Variants in KIF1B observed in about 807,000 individuals in gnomAD.
KIF1B encodes kinesin-like protein KIF1B.
Under a neutral mutation model 241.9 loss-of-function variants are expected in KIF1B, and 76 were observed. The ratio of observed to expected loss-of-function variants is 0.31; its 90% CI spans 0.26 to 0.38. The LOEUF (loss-of-function observed/expected upper bound fraction) is 0.38. Ranked by LOEUF, KIF1B falls within the 10% of genes least tolerant of loss-of-function variation. The probability of loss-of-function intolerance (pLI) is 1.00; values close to 1 mark genes in which losing one functional copy is unlikely to be tolerated. For synonymous variants in KIF1B, 750 were observed against 796.7 expected (o/e 0.94, Z 0.99); for missense variants, 1,622 against 2,271.4 (o/e 0.71, Z 5.81).
chr1:10,324,535 G>A (rs1324817534), intron 25 of KIF1B, among the ~76,000 whole-genome samples: 1 of 152,054 alleles, frequency 6.6e-6, no homozygotes, highest in African/African-American at 2.4e-5. Flanking sequence ...AGGATAGGTG[G>A]CCATTCTTGA....
intron 38 of KIF1B, among the ~76,000 whole-genome samples, chr1:10,353,394 C>G (rs1472201812): frequency 2.6e-5 from 4 of 152,168 alleles, no homozygotes; most frequent in Non-Finnish European, 5.9e-5. Context: ...AAGTACATAG[C>G]CATTCTGCTT....
At chr1:10,241,204 T>G (rs1481424493) in intron 2 of KIF1B, among the ~76,000 whole-genome samples, 1 of 152,112 alleles carries the variant, frequency 6.6e-6, no homozygotes, top group Non-Finnish European at 1.5e-5. Context: ...CTCAACCTCC[T>G]GGGGCCAAGT....
intron 1 of KIF1B, among the ~76,000 whole-genome samples, chr1:10,218,966 CTAAATG>C (rs1646804274): frequency 6.6e-6 from 1 of 152,006 alleles, no homozygotes; most frequent in Non-Finnish European, 1.5e-5. Flanking sequence ...ACAAGAAAAA[CTAAATG>C]TATAGGTTGC....
At chr1:10,233,429 G>C (rs1443505208) in intron 2 of KIF1B, among the ~76,000 whole-genome samples, 1 of 152,020 alleles carries the variant, frequency 6.6e-6, no homozygotes, top group Non-Finnish European at 1.5e-5. Flanking sequence ...GCAGTGAGCT[G>C]TATTCATGTC....
intron 2 of KIF1B, among the ~76,000 whole-genome samples, chr1:10,254,655 T>C (rs1304182115): frequency 1.3e-5 from 2 of 151,790 alleles, no homozygotes; most frequent in East Asian, 3.9e-4. Flanking sequence ...GGCGGGTGGA[T>C]CACAAGGTCA....
chr1:10,375,794 T>G (rs796537119), intron 48 of KIF1B, among the ~76,000 whole-genome samples: 3 of 128,238 alleles, frequency 2.3e-5, no homozygotes, highest in African/African-American at 9.3e-5. Flanking sequence ...TTGTTTTTTT[T>G]TTTTTTTTTT....
At chr1:10,315,779 G>T (rs985635731) in intron 22 of KIF1B, among the ~76,000 whole-genome samples, 3 of 151,322 alleles carry the variant, frequency 2.0e-5, no homozygotes, top group Non-Finnish European at 4.4e-5. Context: ...AAAGGGGCCG[G>T]GTGCAGTGGC....
intron 25 of KIF1B, 48 bp downstream of exon 25, chr1:10,324,110 A>G (rs1350298059): frequency 2.0e-6 from 3 of 1,510,098 alleles, no homozygotes; most frequent in East Asian, 2.3e-5. Context: ...GGAAATAACA[A>G]TGACCTGCTC....
chr1:10,230,338 T>C (rs1165087062), intron 1 of KIF1B, among the ~76,000 whole-genome samples: 1 of 152,168 alleles, frequency 6.6e-6, no homozygotes, highest in Non-Finnish European at 1.5e-5. Context: ...TTACTTTTCT[T>C]TTTTAGATTT....
At chr1:10,263,267 T>C (rs1291853961) in intron 5 of KIF1B, among the ~76,000 whole-genome samples, 1 of 149,206 alleles carries the variant, frequency 6.7e-6, no homozygotes. Context: ...CTGGAGTCTG[T>C]CTCAAAAAAA....
At position 10,291,097 on chromosome 1, in the gene KIF1B, A is replaced by G; in HGVS notation, c.1450A>G (p.Ile484Val). 1 of 1,613,408 alleles carries G rather than the reference A, an allele frequency of 6.2e-7. No individual in the cohort carries two copies. The highest frequency in any genetic ancestry group is 1.7e-4 in the Middle Eastern group (1 of 6,060). Reference sequence around the variant, plus strand: ...CCTTCCTTAGGAATCAGAGAAGATCATTGCTGAGTTGAATGAAACTTGGGA... The same window carrying G: ...CCTTCCTTAGGAATCAGAGAAGATCGTTGCTGAGTTGAATGAAACTTGGGA... ...IERLKESEKI[I>V]AELNETWEEK... Residue 484 changes from isoleucine (I) to valine (V), a missense_variant, in exon 16 of 49, where the codon ATT (isoleucine) becomes GTT (valine). Ile to Val is a conservative substitution (Grantham distance 29, BLOSUM62 3). Coordinates refer to ENST00000676179, the MANE Select transcript of KIF1B (RefSeq NM_001365951.3).
At chr1:10,366,437 G>A (rs897944596) in intron 43 of KIF1B, among the ~76,000 whole-genome samples, 2 of 151,744 alleles carry the variant, frequency 1.3e-5, no homozygotes, top group Non-Finnish European at 2.9e-5. Flanking sequence ...GATCAGGAGG[G>A]AGGCAGTGGT....
rs538313554 is a variant in KIF1B, at chr1:10,319,397, G to A, written c.2116-646G>A. On this transcript the variant is annotated intron_variant, in intron 22 of 48. Transcript: ENST00000676179. ...ATTACAGGTGTGAGCCACTGCACCCGGTCAGTAATCCATCTTATAGTTGCA... is the reference window on the plus strand; with the variant it reads ...ATTACAGGTGTGAGCCACTGCACCCAGTCAGTAATCCATCTTATAGTTGCA... Among the ~76,000 whole-genome samples the A allele has an allele frequency of 5.9e-5, 9 of 152,140 alleles. No individual in the cohort carries two copies. In the South Asian group the frequency reaches 6.2e-4, roughly 11 times the overall value.
At position 10,363,399 on chromosome 1, in the gene KIF1B, T is replaced by G. The variant is rs979163776; in HGVS notation, c.4366+55T>G. ...GTTATCTTTGTGTATGTTTCAAGTATCCTGTATTTAGGCTGGGCACGGTGG... is the reference window on the plus strand; with the variant it reads ...GTTATCTTTGTGTATGTTTCAAGTAGCCTGTATTTAGGCTGGGCACGGTGG... On this transcript the variant is annotated intron_variant, in intron 41 of 48. Coordinates refer to ENST00000676179, the MANE Select transcript of KIF1B (RefSeq NM_001365951.3). 10 of 1,461,710 alleles carry G rather than the reference T, an allele frequency of 6.8e-6. No homozygotes were observed. The African/African-American group carries it at 1.3e-4, about 18-fold the overall frequency. 90.5% of individuals were successfully genotyped at this position (1,461,710 alleles called of 1,614,324 possible).
At chr1:10,218,666 C>T (rs1444107500) in intron 1 of KIF1B, among the ~76,000 whole-genome samples, 1 of 152,194 alleles carries the variant, frequency 6.6e-6, no homozygotes, top group Non-Finnish European at 1.5e-5. Flanking sequence ...AGTGATCCAC[C>T]CGCCTTGGCC....
intron 44 of KIF1B, among the ~76,000 whole-genome samples, chr1:10,370,032 T>A (rs1428598126): frequency 6.6e-6 from 1 of 151,930 alleles, no homozygotes; most frequent in Non-Finnish European, 1.5e-5. Context: ...GGTGGGCGGA[T>A]CACCTGAGGT....
chr1:10,314,067 A>G (rs1183016389), intron 22 of KIF1B, among the ~76,000 whole-genome samples: 1 of 151,070 alleles, frequency 6.6e-6, no homozygotes, highest in East Asian at 2.0e-4. Flanking sequence ...TAATTTTTGT[A>G]TCATTAGTAG....
At chr1:10,315,852 TC>T (rs370949790) in intron 22 of KIF1B, among the ~76,000 whole-genome samples, 2 of 151,174 alleles carry the variant, frequency 1.3e-5, no homozygotes, top group Non-Finnish European at 2.9e-5. Context: ...GGTCAGGAGT[TC>T]AAGACCAGCC....
chr1:10,277,426 C>T (rs767567133), intron 12 of KIF1B, among the ~76,000 whole-genome samples: 4 of 152,154 alleles, frequency 2.6e-5, no homozygotes, highest in Non-Finnish European at 5.9e-5. Context: ...CCTCAGACAC[C>T]TGGGCTCGTG....
Sources: allele counts gnomAD v4.1 joint callset (sites outside exome capture counted in the v4.1 genomes callset), GRCh38; gene constraint gnomAD v4.1.1; transcripts MANE v1.5; gene names NCBI Gene and HGNC (gene_info 2026-07-23, HGNC 2026-07-21).